The following WASHC5 variants were observed in gnomAD, a reference collection of about 807,000 sequenced individuals.
The protein encoded by WASHC5 is WASH complex subunit strumpellin.
In WASHC5, 101 loss-of-function variants were observed where a neutral mutation model predicts 150.4. That is an observed-to-expected ratio of 0.67 (90% CI 0.57 to 0.79). The LOEUF (loss-of-function observed/expected upper bound fraction) is 0.79, where lower values mean the gene tolerates loss of function less well. WASHC5 is among the 30% of genes least tolerant of loss of function. The pLI is 0.00. For synonymous variants in WASHC5, 467 were observed against 491.2 expected, an observed-to-expected ratio of 0.95 and a Z score of 0.65; for missense variants, 1,195 against 1,396.3, an observed-to-expected ratio of 0.86 and a Z score of 2.30.
intron 3 of WASHC5, 152 bp downstream of exon 3, chr8:125,082,961 C>G: frequency 1.8e-6 from 1 of 564,416 alleles, no homozygotes; most frequent in Non-Finnish European, 3.1e-6. Flanking sequence ...CTTAAGATGA[C>G]CAGTGCCACA....
chr8:125,026,856 T>TAG, intron 28 of WASHC5, among the ~76,000 whole-genome samples: 1 of 152,240 alleles, frequency 6.6e-6, no homozygotes, highest in South Asian at 2.1e-4. Flanking sequence ...AAAAAGGACT[T>TAG]GCCTAAGTCC....
rs559276259 is a variant in WASHC5, at chr8:125,090,158, C to T, written c.-125+1457G>A. Among the ~76,000 whole-genome samples the T allele has an allele frequency of 2.6e-5, 4 of 152,286 alleles. No individual in the cohort carries two copies. The East Asian group carries it at 7.7e-4, about 29-fold the overall frequency. Reference sequence around the variant, plus strand: ...ATTTTATGTACTAGACCTCCTAACCCGGACTAGTTATATTTTCCATGTAAC... The same window carrying T: ...ATTTTATGTACTAGACCTCCTAACCTGGACTAGTTATATTTTCCATGTAAC... On this transcript the variant is annotated intron_variant, in intron 1 of 28. Transcript: ENST00000318410.
At chr8:125,055,537 C>A (rs1487126707) in intron 17 of WASHC5, 54 bp downstream of exon 17, 3 of 1,054,534 alleles carry the variant, frequency 2.8e-6, no homozygotes, top group South Asian at 2.5e-5. Context: ...ACCACAAAAA[C>A]CCAAACAGCT....
intron 20 of WASHC5, among the ~76,000 whole-genome samples, chr8:125,046,558 T>C (rs1309711986): frequency 6.6e-6 from 1 of 152,196 alleles, no homozygotes; most frequent in Non-Finnish European, 1.5e-5. Context: ...GGGTCCGTCA[T>C]TTATTAACTG....
In WASHC5 at chr8:125,043,892, T is replaced by G; in HGVS notation, c.2783A>C (p.Lys928Thr). ...TTTGGCAATGGCGGAAAAATAAATT[T>G]TATTTGAATTTGCTGAAAAGTTAAA... Reference protein sequence around the residue: ...PLKSIVANSNKIYFSAIAKTQ... With the variant: ...PLKSIVANSNTIYFSAIAKTQ... Residue 928 changes from lysine to threonine, a missense_variant, in exon 23 of 29, where the codon AAA (lysine) becomes ACA (threonine). By Grantham distance (78) the Lys-to-Thr change is moderately conservative. Around this residue, in one of 3 missense-constraint regions of WASHC5, gnomAD observed 997 missense variants for 1,168.1 expected, o/e 0.85. Transcript: ENST00000318410. 1.9e-6 allele frequency: 3 copies of G among 1,612,620 alleles called. No individual in the cohort carries two copies. The highest frequency in any genetic ancestry group is 2.5e-6 in the Non-Finnish European group (3 of 1,178,662).
chr8:125,047,444 G>GTTTT lies in WASHC5; in HGVS notation c.2380-117_2380-114dup, dbSNP rs796685951. The GTTTT allele has an allele frequency of 1.2e-5, 10 of 862,884 alleles. No homozygotes were observed. The East Asian group carries it at 1.6e-4, about 14-fold the overall frequency. The allele number at this position is 862,884 out of a possible 1,614,324, so 53.5% of individuals were successfully genotyped here. A position where few individuals can be genotyped will look rare whatever the true frequency, so the allele number is the denominator to read the frequency against. On this transcript the variant is annotated intron_variant, in intron 19 of 28. Coordinates refer to ENST00000318410, the MANE Select transcript of WASHC5 (RefSeq NM_014846.4). Reference sequence around the variant, plus strand: ...TGCATAAAGAGTGACAATAAAGGTTGTTTTTTTTTTTTAGATGGAGTCTCG... The same window carrying GTTTT: ...TGCATAAAGAGTGACAATAAAGGTTGTTTTTTTTTTTTTTTTAGATGGAGTCTCG...
chr8:125,067,494 A>G (rs1407973596), intron 10 of WASHC5, 98 bp downstream of exon 10: 1 of 1,038,292 alleles, frequency 9.6e-7, no homozygotes, highest in African/African-American at 1.6e-5. Flanking sequence ...TGTACCTTGA[A>G]TCAGAGACAG....
intron 9 of WASHC5, among the ~76,000 whole-genome samples, chr8:125,070,756 T>C (rs549293917): frequency 1.8e-4 from 27 of 152,294 alleles, no homozygotes; most frequent in African/African-American, 5.8e-4. Flanking sequence ...TGTGGGTAAA[T>C]TGTAAATGGA....
intron 19 of WASHC5, 109 bp from the exon 20 acceptor site, chr8:125,047,440 G>C: frequency 3.3e-6 from 4 of 1,200,500 alleles, no homozygotes; most frequent in Non-Finnish European, 3.6e-6. Flanking sequence ...TGACAATAAA[G>C]GTTGTTTTTT....
intron 26 of WASHC5, chr8:125,032,823 T>C (rs541923605): frequency 8.8e-6 from 2 of 226,002 alleles, no homozygotes; most frequent in Admixed American, 1.1e-4. Context: ...TTTAAACAAA[T>C]GTTGAGTAAT....
At chr8:125,050,863 C>T (rs1816219374) in intron 17 of WASHC5, among the ~76,000 whole-genome samples, 198 bp from the exon 18 acceptor site, 2 of 152,162 alleles carry the variant, frequency 1.3e-5, no homozygotes, top group African/African-American at 4.8e-5. Context: ...CTTTTTAGGA[C>T]TCTGTTTATT....
intron 12 of WASHC5, among the ~76,000 whole-genome samples, chr8:125,060,312 C>T (rs575756018): frequency 6.6e-6 from 1 of 152,066 alleles, no homozygotes; most frequent in Non-Finnish European, 1.5e-5. Context: ...CATGGTGAAA[C>T]CCCGTCTCTA....
rs775264697 is a variant in WASHC5, at chr8:125,083,180, T to C, written c.265A>G (p.Ile89Val). 6.9e-6 allele frequency: 11 copies of C among 1,602,234 alleles called. No individual in the cohort carries two copies. The Middle Eastern group carries it at 6.6e-4, about 97-fold the overall frequency. Residue 89 changes from isoleucine to valine, a missense_variant, in exon 3 of 29, where the codon ATA becomes GTA. This residue lies in a region of WASHC5 where 195 missense variants were observed against 206.9 expected (regional missense o/e 0.94). Coordinates refer to ENST00000318410, the MANE Select transcript of WASHC5 (RefSeq NM_014846.4). Reference protein sequence around the residue: ...DLDEEFRENNIEIVTRFYLAF... With the variant: ...DLDEEFRENNVEIVTRFYLAF... ...AAATAAAATCTGGTCACAATTTCTA[T>C]GTTGTTTTCACGAAATTCTTCATCT... is the stretch of plus-strand genomic sequence containing the variant.
chr8:125,049,622 G>A (rs1212923645), intron 18 of WASHC5, among the ~76,000 whole-genome samples: 2 of 137,088 alleles, frequency 1.5e-5, no homozygotes, highest in African/African-American at 5.5e-5. Context: ...TGAGATGGGT[G>A]GATCACTTGA....
In WASHC5 at chr8:125,070,739, T is replaced by C. The variant is rs535665552; in HGVS notation, c.1150+2414A>G. On this transcript the variant is annotated intron_variant, in intron 9 of 28. Transcript: ENST00000318410. ...GGGATTAAAAACTTCAGCCATCGTG[T>C]TCATACTGTGGGTAAATTGTAAATG... Among the ~76,000 whole-genome samples the C allele has an allele frequency of 4.6e-5, 7 of 152,368 alleles. No individual in the cohort carries two copies. In the South Asian group the frequency reaches 1.4e-3, roughly 32 times the overall value.
At chr8:125,043,464 G>C (rs750349003) in intron 23 of WASHC5, among the ~76,000 whole-genome samples, 1 of 152,218 alleles carries the variant, frequency 6.6e-6, no homozygotes, top group African/African-American at 2.4e-5. Flanking sequence ...TGTTCTAACA[G>C]CAGCTTGGAG....
chr8:125,072,095 C>CT (rs1234174137), intron 9 of WASHC5, among the ~76,000 whole-genome samples: 54 of 152,098 alleles, frequency 3.6e-4, no homozygotes, highest in Non-Finnish European at 6.5e-4. Flanking sequence ...AATCCTAGCA[C>CT]TTTGGGAGGC....
intron 6 of WASHC5, among the ~76,000 whole-genome samples, chr8:125,077,339 G>A (rs967632383): frequency 2.0e-5 from 3 of 152,158 alleles, no homozygotes; most frequent in Admixed American, 6.5e-5. Flanking sequence ...CAGGCTACTC[G>A]CCATATACAT....
chr8:125,032,493 T>G, intron 26 of WASHC5, 99 bp from the exon 27 acceptor site: 1 of 1,289,900 alleles, frequency 7.8e-7, no homozygotes. Flanking sequence ...GGGGCCCATA[T>G]TCTCGCTGGC....
Sources: gnomAD v4.1 joint callset for allele counts (sites outside exome capture counted in the v4.1 genomes callset) on GRCh38, gnomAD v4.1.1 for gene constraint, gnomAD v4.1.1 regional missense constraint, MANE v1.5 for transcripts, NCBI Gene and HGNC (gene_info 2026-07-23, HGNC 2026-07-21) for gene names.